The following GPR155 variants were observed in gnomAD, a reference collection of about 807,000 sequenced individuals.
GPR155 encodes the protein G protein-coupled receptor 155.
A neutral mutation model predicts 93.1 loss-of-function variants in GPR155; 65 were observed. The observed-to-expected ratio is 0.70, with a 90% CI of 0.57 to 0.86. The LOEUF (loss-of-function observed/expected upper bound fraction) is 0.86. GPR155 is among the 40% of genes least tolerant of loss of function. GPR155 has a pLI of 0.00. For missense variants in GPR155, 838 were observed against 1,034.8 expected (o/e 0.81, Z 2.61); for synonymous variants, 319 against 360.1 (o/e 0.89, Z 1.29).
chr2:174,486,214 C>T (rs563332915), intron 1 of GPR155, among the ~76,000 whole-genome samples: 2 of 152,284 alleles, frequency 1.3e-5, no homozygotes, highest in East Asian at 1.9e-4. Flanking sequence ...TCCCTAGAGA[C>T]CCAGGGTAGG....
chr2:174,454,032 A>G (rs1419441884), intron 10 of GPR155, among the ~76,000 whole-genome samples, 191 bp from the exon 11 acceptor site: 1 of 152,218 alleles, frequency 6.6e-6, no homozygotes, highest in African/African-American at 2.4e-5. Flanking sequence ...AAAAAACTTA[A>G]TCTCATAGAA....
chr2:174,440,075 G>C (rs1374386236), intron 14 of GPR155, 40 bp from the exon 15 acceptor site: 1 of 1,570,908 alleles, frequency 6.4e-7, no homozygotes, highest in East Asian at 2.3e-5. Flanking sequence ...GGACAGAAAA[G>C]CACTGAGAGA....
At chr2:174,444,377 T>C (rs999615893) in intron 13 of GPR155, among the ~76,000 whole-genome samples, 3 of 149,258 alleles carry the variant, frequency 2.0e-5, no homozygotes, top group Non-Finnish European at 4.4e-5. Flanking sequence ...ATCACGCCAT[T>C]GCACTCCAGC....
chr2:174,445,598 A>G (rs1194467464), intron 12 of GPR155, among the ~76,000 whole-genome samples: 1 of 152,204 alleles, frequency 6.6e-6, no homozygotes, highest in African/African-American at 2.4e-5. Flanking sequence ...ATATCACACT[A>G]TCTCACGAGC....
intron 5 of GPR155, among the ~76,000 whole-genome samples, chr2:174,467,249 C>G (rs1329651154): frequency 6.6e-6 from 1 of 151,466 alleles, no homozygotes; most frequent in Non-Finnish European, 1.5e-5. Context: ...CCTGTAATCC[C>G]AGCACTTTGG....
chr2:174,445,098 C>T lies in GPR155; in HGVS notation c.2092G>A (p.Val698Met), dbSNP rs771476371. 21 of 1,587,480 alleles carry T rather than the reference C, an allele frequency of 1.3e-5. No homozygotes were observed. The highest frequency in any genetic ancestry group is 8.3e-5 in the Admixed American group (5 of 59,928). ...ATAAATACCTGACCAAAGTTAAACA[C>T]GGCACAGAAAAACTGTAACTCAACA... ...LYVELQFFCA[V>M]FNFGQGFISF... The change falls in exon 13 of 16, where the codon GTG becomes ATG. Residue 698 changes from valine (V) to methionine (M), a missense_variant. Val to Met is a conservative substitution (Grantham distance 21). This residue lies in a region of GPR155 where 29 missense variants were observed against 67.1 expected (regional missense o/e 0.43). Coordinates refer to ENST00000392552, the MANE Select transcript of GPR155 (RefSeq NM_152529.7).
At chr2:174,473,436 T>A in intron 2 of GPR155, 72 bp from the exon 3 acceptor site, 5 of 1,006,450 alleles carry the variant, frequency 5.0e-6, no homozygotes, top group South Asian at 1.6e-5. Context: ...ATATAACATT[T>A]TCTGTACTTT....
At chr2:174,478,390 T>A (rs958294142) in intron 2 of GPR155, among the ~76,000 whole-genome samples, 21 of 152,156 alleles carry the variant, frequency 1.4e-4, no homozygotes, top group African/African-American at 5.1e-4. Flanking sequence ...CTAATTTTGC[T>A]GTTGTTGTTG....
In GPR155 at chr2:174,461,629, C is replaced by A. The variant is rs760398018; in HGVS notation, c.1428G>T (p.Arg476Ser). 6.2e-7 allele frequency: 1 copy of A among 1,611,604 alleles called. No individual in the cohort carries two copies. The highest frequency in any genetic ancestry group is 1.1e-5 in the South Asian group (1 of 90,994). Residue 476 changes from arginine (R) to serine (S), a missense_variant, in exon 8 of 16, where the codon AGG (arginine) becomes AGT (serine). Arg to Ser is a moderately radical substitution (Grantham distance 110). Around this residue, in one of 3 missense-constraint regions of GPR155, gnomAD observed 663 missense variants for 790.1 expected, o/e 0.84. Transcript: ENST00000392552. ...TGATTATTCCAACAGGAATTTGTAC[C>A]CTCTCTCGCTTTTTCAAAAGAAACA... ...ISLFLLKKRE[R>S]VQIPVGIIII...
chr2:174,456,307 ATT>A (rs112330863), intron 10 of GPR155, among the ~76,000 whole-genome samples: 4 of 141,788 alleles, frequency 2.8e-5, no homozygotes, highest in Non-Finnish European at 3.1e-5. Context: ...CCTAGGTATA[ATT>A]TTTTTTTTTT....
chr2:174,453,964 G>T, intron 10 of GPR155, 123 bp from the exon 11 acceptor site: 1 of 667,638 alleles, frequency 1.5e-6, no homozygotes, highest in Non-Finnish European at 2.7e-6. Context: ...AGCCTCAATA[G>T]TTTTCACATG....
chr2:174,468,816 TCATAAGAAAC>T, intron 5 of GPR155, 86 bp downstream of exon 5: 1 of 1,046,414 alleles, frequency 9.6e-7, no homozygotes, highest in Non-Finnish European at 1.4e-6. Flanking sequence ...TTTCTTTATT[TCATAAGAAAC>T]TAGATTTTTA....
intron 2 of GPR155, among the ~76,000 whole-genome samples, chr2:174,476,031 A>G (rs143899141): frequency 1.6e-4 from 24 of 152,320 alleles, no homozygotes; most frequent in African/African-American, 5.3e-4. Context: ...ACATTGTTTT[A>G]AGAACTCAGT....
intron 2 of GPR155, 76 bp from the exon 3 acceptor site, chr2:174,473,440 G>T: frequency 4.2e-6 from 4 of 960,308 alleles, no homozygotes; most frequent in Non-Finnish European, 6.2e-6. Context: ...AACATTTTCT[G>T]TACTTTATAG....
intron 11 of GPR155, 97 bp downstream of exon 11, chr2:174,453,640 A>G: frequency 1.5e-6 from 1 of 666,766 alleles, no homozygotes; most frequent in Non-Finnish European, 2.6e-6. Context: ...AGCCTGGGTG[A>G]CAGAGCAAGA....
chr2:174,436,926 G>A (rs1214651249), intron 15 of GPR155, among the ~76,000 whole-genome samples: 1 of 152,276 alleles, frequency 6.6e-6, no homozygotes, highest in Middle Eastern at 3.4e-3. Flanking sequence ...TGCCCCACAA[G>A]TAGCCTTTCT....
intron 1 of GPR155, among the ~76,000 whole-genome samples, chr2:174,484,756 C>G (rs1283362662): frequency 2.0e-5 from 3 of 152,150 alleles, no homozygotes; most frequent in Non-Finnish European, 2.9e-5. Context: ...CATGGCAAAA[C>G]CTTAGTCTCT....
chr2:174,478,586 T>C (rs1323012032), intron 2 of GPR155, among the ~76,000 whole-genome samples: 1 of 152,240 alleles, frequency 6.6e-6, no homozygotes, highest in Non-Finnish European at 1.5e-5. Context: ...TAATGTAATG[T>C]CATAGACTGT....
chr2:174,468,783 A>G, intron 5 of GPR155, 129 bp downstream of exon 5: 6 of 805,720 alleles, frequency 7.4e-6, no homozygotes, highest in Non-Finnish European at 1.2e-5. Context: ...GGCTGACATT[A>G]TATTTTATGG....
Sources: gnomAD v4.1 joint callset for allele counts (sites outside exome capture counted in the v4.1 genomes callset) on GRCh38, gnomAD v4.1.1 for gene constraint, gnomAD v4.1.1 regional missense constraint, MANE v1.5 for transcripts, NCBI Gene and HGNC (gene_info 2026-07-23, HGNC 2026-07-21) for gene names.